Variants in DPP10 observed in about 807,000 individuals in gnomAD.
The protein encoded by DPP10 is inactive dipeptidyl peptidase 10.
DPP10 carries 33 observed loss-of-function variants against 120.9 expected under a neutral mutation model. The ratio of observed to expected loss-of-function variants is 0.27; its 90% CI spans 0.21 to 0.37. The LOEUF (loss-of-function observed/expected upper bound fraction) is 0.37. Ranked by LOEUF, DPP10 falls within the 10% of genes least tolerant of loss-of-function variation. DPP10 has a pLI of 1.00. For synonymous variants in DPP10, 337 were observed against 326.1 expected, an observed-to-expected ratio of 1.03 and a Z score of -0.36; for missense variants, 816 against 942.8, an observed-to-expected ratio of 0.87 and a Z score of 1.76.
chr2:114,518,278 A>G (rs1268836442), intron 1 of DPP10, among the ~76,000 whole-genome samples: 1 of 151,920 alleles, frequency 6.6e-6, no homozygotes, highest in Non-Finnish European at 1.5e-5. Context: ...GTGTTTTGCC[A>G]TGTTGGCCAG....
intron 1 of DPP10, among the ~76,000 whole-genome samples, chr2:114,885,258 TG>T (rs141466237): frequency 0.018 from 2,665 of 152,082 alleles, 92 homozygotes; most frequent in African/African-American, 0.06. Context: ...ATGGTGAGAA[TG>T]GGGGGGACAG....
At chr2:115,423,231 T>C (rs1206835478) in intron 3 of DPP10, among the ~76,000 whole-genome samples, 1 of 152,212 alleles carries the variant, frequency 6.6e-6, no homozygotes, top group East Asian at 1.9e-4. Flanking sequence ...ATTTATTTTG[T>C]CTTCTTTAAA....
intron 1 of DPP10, among the ~76,000 whole-genome samples, chr2:114,747,885 C>T (rs919240359): frequency 2.6e-5 from 4 of 152,248 alleles, no homozygotes; most frequent in Middle Eastern, 3.4e-3. Flanking sequence ...ATGCATTCCT[C>T]GGAGAATGTG....
intron 1 of DPP10, among the ~76,000 whole-genome samples, chr2:114,667,321 G>A (rs538651284): frequency 3.6e-4 from 54 of 151,920 alleles, no homozygotes; most frequent in African/African-American, 1.1e-3. Context: ...AAAGTTATTC[G>A]TGAATTATTA....
chr2:115,160,828 G>A (rs548441694), intron 1 of DPP10, among the ~76,000 whole-genome samples: 1 of 152,078 alleles, frequency 6.6e-6, no homozygotes, highest in South Asian at 2.1e-4. Flanking sequence ...CCCACACAAC[G>A]TAAGCTCCCT....
intron 5 of DPP10, among the ~76,000 whole-genome samples, chr2:115,583,648 A>C (rs1174059914): frequency 6.6e-6 from 1 of 152,208 alleles, no homozygotes; most frequent in Non-Finnish European, 1.5e-5. Flanking sequence ...GTGTAGCAAA[A>C]TTAGTAACAC....
At chr2:115,355,578 A>G (rs1434805599) in intron 3 of DPP10, among the ~76,000 whole-genome samples, 2 of 151,736 alleles carry the variant, frequency 1.3e-5, no homozygotes, top group East Asian at 3.9e-4. Context: ...CCATTTGTCA[A>G]TTTTCCTTTT....
At chr2:114,849,421 C>T (rs1688778092) in intron 1 of DPP10, among the ~76,000 whole-genome samples, 1 of 152,134 alleles carries the variant, frequency 6.6e-6, no homozygotes, top group Non-Finnish European at 1.5e-5. Context: ...ACAATCATGG[C>T]TCACGGCAGC....
intron 1 of DPP10, among the ~76,000 whole-genome samples, chr2:114,950,380 C>T (rs765227699): frequency 1.3e-4 from 19 of 150,268 alleles, no homozygotes; most frequent in South Asian, 4.2e-4. Flanking sequence ...CTGCAAGCTC[C>T]GCCTCCTGGG....
chr2:115,262,972 A>G lies in DPP10; in HGVS notation c.61-46267A>G, dbSNP rs1042214577. On this transcript the variant is annotated intron_variant, in intron 1 of 25. Coordinates refer to ENST00000410059, the MANE Select transcript of DPP10 (RefSeq NM_020868.6). ...ATCCTACATTTATACCCTTTTCCCCATAAATACATAGTGTGACTGGCAGCC... is the reference window on the plus strand; with the variant it reads ...ATCCTACATTTATACCCTTTTCCCCGTAAATACATAGTGTGACTGGCAGCC... Among the ~76,000 whole-genome samples the G allele has an allele frequency of 3.3e-5, 5 of 152,284 alleles. No individual in the cohort carries two copies. The East Asian group carries it at 5.8e-4, about 18-fold the overall frequency.
intron 12 of DPP10, 152 bp downstream of exon 12, chr2:115,762,762 T>A: frequency 1.1e-6 from 1 of 901,282 alleles, no homozygotes; most frequent in Non-Finnish European, 1.7e-6. Context: ...ACTTATGACT[T>A]GGGCTTTCTA....
chr2:115,289,485 C>CAAAAAAAAAAAAAAAAAAAGAAAAAAAAA (rs2060556058), intron 1 of DPP10, among the ~76,000 whole-genome samples: 1 of 38,922 alleles, frequency 2.6e-5, no homozygotes, highest in Non-Finnish European at 4.9e-5. Context: ...CATAAGAAAC[C>CAAAAAAAAAAAAAAAAAAAGAAAAAAAAA]AAAAAAAAAA....
chr2:114,627,004 G>A (rs986877102), intron 1 of DPP10, among the ~76,000 whole-genome samples: 2 of 151,972 alleles, frequency 1.3e-5, no homozygotes, highest in Non-Finnish European at 2.9e-5. Flanking sequence ...AAAATATTTA[G>A]GCAGTTTTCC....
At chr2:115,222,397 A>G (rs1411492598) in intron 1 of DPP10, among the ~76,000 whole-genome samples, 3 of 152,216 alleles carry the variant, frequency 2.0e-5, no homozygotes, top group Non-Finnish European at 2.9e-5. Flanking sequence ...TTGGGAGGTA[A>G]TTGAATCATG....
At chr2:115,725,344 ATTGAAAAGGG>A (rs1445361481) in intron 7 of DPP10, among the ~76,000 whole-genome samples, 1 of 152,186 alleles carries the variant, frequency 6.6e-6, no homozygotes, top group African/African-American at 2.4e-5. Context: ...AACTTTGATA[ATTGAAAAGGG>A]ATTAGGATGT....
chr2:114,586,490 C>T (rs1321834995), intron 1 of DPP10, among the ~76,000 whole-genome samples: 1 of 152,172 alleles, frequency 6.6e-6, no homozygotes, highest in African/African-American at 2.4e-5. Flanking sequence ...CTAGTACCAG[C>T]ACATAAATTA....
At position 114,840,731 on chromosome 2, in the gene DPP10, C is replaced by T. The variant is rs1688090022; in HGVS notation, c.60+397893C>T. On this transcript the variant is annotated intron_variant, in intron 1 of 25. Transcript: ENST00000410059. ...GATTCCAGAAGTCACAGAGTATTTA[C>T]ACTTTGTGGTTCTTCTTTCTGTCGC... Among the ~76,000 whole-genome samples the T allele has an allele frequency of 2.0e-5, 3 of 152,160 alleles. 1 individual carries two copies. The South Asian group carries it at 6.2e-4, about 31-fold the overall frequency.
At chr2:115,091,602 T>C (rs932387764) in intron 1 of DPP10, among the ~76,000 whole-genome samples, 19 of 152,286 alleles carry the variant, frequency 1.2e-4, no homozygotes, top group African/African-American at 4.6e-4. Flanking sequence ...AAAAATGGCC[T>C]AGTGCTGCTA....
At chr2:114,772,640 C>G (rs982939172) in intron 1 of DPP10, among the ~76,000 whole-genome samples, 5 of 151,318 alleles carry the variant, frequency 3.3e-5, no homozygotes, top group Non-Finnish European at 5.9e-5. Context: ...CATGTGTGTT[C>G]CTTAAGATTT....
Sources: allele counts gnomAD v4.1 joint callset (sites outside exome capture counted in the v4.1 genomes callset), GRCh38; gene constraint gnomAD v4.1.1; transcripts MANE v1.5; gene names NCBI Gene and HGNC (gene_info 2026-07-23, HGNC 2026-07-21).